Variants in SORCS1 observed in about 807,000 individuals in gnomAD.
SORCS1 encodes the protein VPS10 domain-containing receptor SorCS1.
SORCS1 carries 60 observed loss-of-function variants against 146.1 expected under a neutral mutation model. The observed-to-expected ratio is 0.41, with a 90% CI of 0.33 to 0.51. The LOEUF is 0.51. SORCS1 is among the 20% of genes least tolerant of loss of function. The pLI is 0.21. For missense variants in SORCS1, 1,352 were observed against 1,487.6 expected (o/e 0.91, Z 1.50); for synonymous variants, 637 against 584.0 (o/e 1.09, Z -1.31).
chr10:106,774,313 A>T (rs945690187), intron 4 of SORCS1, among the ~76,000 whole-genome samples: 2 of 152,156 alleles, frequency 1.3e-5, no homozygotes, highest in African/African-American at 4.8e-5. Flanking sequence ...AGCCCTAAAC[A>T]TATCATTCTC....
intron 5 of SORCS1, among the ~76,000 whole-genome samples, chr10:106,731,306 A>G (rs1442872614): frequency 6.6e-6 from 1 of 150,750 alleles, no homozygotes; most frequent in Admixed American, 6.6e-5. Flanking sequence ...AAAAAAAAAA[A>G]AAAAAAAAAA....
chr10:106,894,711 G>A (rs1951396803), intron 2 of SORCS1, among the ~76,000 whole-genome samples: 2 of 152,174 alleles, frequency 1.3e-5, no homozygotes, highest in African/African-American at 2.4e-5. Context: ...TTAGGTACAT[G>A]TAGTACCAGA....
intron 2 of SORCS1, among the ~76,000 whole-genome samples, chr10:106,843,130 C>T (rs1281468177): frequency 6.6e-6 from 1 of 152,154 alleles, no homozygotes; most frequent in Non-Finnish European, 1.5e-5. Flanking sequence ...CTTGAGTTCT[C>T]TAGGAGCATA....
intron 23 of SORCS1, among the ~76,000 whole-genome samples, chr10:106,603,266 GC>G (rs1846363356): frequency 6.6e-6 from 1 of 152,158 alleles, no homozygotes; most frequent in Non-Finnish European, 1.5e-5. Context: ...TAAGCAGCTG[GC>G]CTCAGGACAG....
At chr10:106,689,698 A>G (rs899996382) in intron 9 of SORCS1, among the ~76,000 whole-genome samples, 1 of 152,196 alleles carries the variant, frequency 6.6e-6, no homozygotes, top group Non-Finnish European at 1.5e-5. Flanking sequence ...TTTTACCCCA[A>G]TTCTACAGAT....
chr10:106,718,628 G>A (rs532621698), intron 6 of SORCS1, among the ~76,000 whole-genome samples: 12 of 152,374 alleles, frequency 7.9e-5, no homozygotes, highest in African/African-American at 2.6e-4. Flanking sequence ...AAGGGAACCC[G>A]AGTGGGTTGC....
rs999429300 is a variant in SORCS1 at position 106,956,700 on chromosome 10, G to T, written c.559-120C>A. ...GTCACTTAACATAATTGAATGAATT[G>T]TTACAGCATTTGCCACACTGACTGG... On this transcript the variant is annotated intron_variant, in intron 1 of 25. Transcript: ENST00000263054. The T allele has an allele frequency of 3.2e-5, 27 of 838,994 alleles. No homozygotes were observed. In the African/African-American group the frequency reaches 3.6e-4, roughly 11 times the overall value. 52.0% of individuals were successfully genotyped at this position (838,994 alleles called of 1,614,324 possible).
chr10:106,679,026 T>C (rs1852240113), intron 12 of SORCS1, among the ~76,000 whole-genome samples: 1 of 152,180 alleles, frequency 6.6e-6, no homozygotes, highest in African/African-American at 2.4e-5. Context: ...CACCCTTACA[T>C]ACAAGCTCTG....
intron 1 of SORCS1, among the ~76,000 whole-genome samples, chr10:107,024,856 C>T (rs928137038): frequency 3.9e-5 from 6 of 152,080 alleles, no homozygotes; most frequent in African/African-American, 1.2e-4. Flanking sequence ...ACATTTACTG[C>T]ACCTAAAATA....
intron 6 of SORCS1, among the ~76,000 whole-genome samples, chr10:106,720,576 G>A (rs944546718): frequency 1.3e-5 from 2 of 151,270 alleles, no homozygotes; most frequent in Admixed American, 1.3e-4. Context: ...TTTTAAGTAC[G>A]ATGCTACTTT....
intron 1 of SORCS1, among the ~76,000 whole-genome samples, chr10:106,991,908 G>A (rs1231644940): frequency 1.3e-5 from 2 of 152,194 alleles, no homozygotes; most frequent in African/African-American, 4.8e-5. Context: ...TTTAGAATCT[G>A]ATTCTGAGCG....
At chr10:107,143,316 C>T (rs1431835653) in intron 1 of SORCS1, among the ~76,000 whole-genome samples, 1 of 152,086 alleles carries the variant, frequency 6.6e-6, no homozygotes, top group African/African-American at 2.4e-5. Context: ...AAAGTCCAAT[C>T]TCTTATTTTG....
intron 1 of SORCS1, among the ~76,000 whole-genome samples, chr10:106,964,881 T>C (rs1335020345): frequency 6.6e-6 from 1 of 151,102 alleles, no homozygotes; most frequent in Middle Eastern, 3.2e-3. Context: ...CACAAAGTGC[T>C]GAGATTACAG....
At chr10:106,852,285 T>A (rs1949615417) in intron 2 of SORCS1, among the ~76,000 whole-genome samples, 1 of 152,136 alleles carries the variant, frequency 6.6e-6, no homozygotes, top group African/African-American at 2.4e-5. Flanking sequence ...TTCTCACCAC[T>A]AAGTAAGATG....
At chr10:106,701,152 T>A (rs1222601977) in intron 8 of SORCS1, among the ~76,000 whole-genome samples, 1 of 152,218 alleles carries the variant, frequency 6.6e-6, no homozygotes, top group African/African-American at 2.4e-5. Flanking sequence ...TGTAAATAGT[T>A]GTATCATTTA....
At chr10:106,729,588 CTT>C (rs1856451407) in intron 6 of SORCS1, among the ~76,000 whole-genome samples, 1 of 152,028 alleles carries the variant, frequency 6.6e-6, no homozygotes, top group South Asian at 2.1e-4. Flanking sequence ...CAATGAAACA[CTT>C]TAGGAATCAA....
At chr10:106,685,171 G>T (rs1852731417) in intron 10 of SORCS1, among the ~76,000 whole-genome samples, 1 of 152,130 alleles carries the variant, frequency 6.6e-6, no homozygotes, top group Non-Finnish European at 1.5e-5. Context: ...TCCTCCAGTG[G>T]ACTCTCAGAG....
At chr10:106,952,569 A>ATATTATATT (rs1326322077) in intron 2 of SORCS1, among the ~76,000 whole-genome samples, 15 of 147,854 alleles carry the variant, frequency 1.0e-4, no homozygotes, top group Non-Finnish European at 1.9e-4. Context: ...ATATTATATT[A>ATATTATATT]TATTATACTA....
Position 107,163,987 on chromosome 10 carries a change from C to T in SORCS1, c.540G>A (p.Trp180Ter), listed in dbSNP as rs763446272. 1 of 1,613,604 alleles carries T rather than the reference C, an allele frequency of 6.2e-7. No homozygotes were observed. Among genetic ancestry groups the T allele is most frequent in the Non-Finnish European group, 8.5e-7 (1 of 1,179,792 alleles). Residue 180 changes from tryptophan (W) to a stop codon, truncating the protein, a stop_gained, in exon 1 of 26, where the codon TGG becomes TGA. Coordinates refer to ENST00000263054, the MANE Select transcript of SORCS1 (RefSeq NM_052918.5). LOFTEE classifies it high-confidence loss of function. ...TACTCACGCTGCTGTTGTGGCCAGACCAGTGGACCATGGCTTGGTTGTGTG... is the reference window on the plus strand; with the variant it reads ...TACTCACGCTGCTGTTGTGGCCAGATCAGTGGACCATGGCTTGGTTGTGTG... The part of the protein sequence containing the change: ...DSAHNQAMVH[W>*]SGHNSSVILI...
Sources: gnomAD v4.1 joint callset for allele counts (sites outside exome capture counted in the v4.1 genomes callset) on GRCh38, gnomAD v4.1.1 for gene constraint, MANE v1.5 for transcripts, NCBI Gene and HGNC (gene_info 2026-07-23, HGNC 2026-07-21) for gene names.